Variants in PARD6G observed in about 807,000 individuals in gnomAD.
The protein encoded by PARD6G is partitioning defective 6 homolog gamma.
A neutral mutation model predicts 10.7 loss-of-function variants in PARD6G; 7 were observed. The ratio of observed to expected loss-of-function variants is 0.66; its 90% confidence interval spans 0.37 to 1.23. The LOEUF (loss-of-function observed/expected upper bound fraction) is 1.23. PARD6G is among the 50% of genes most tolerant of loss of function. The pLI is 0.02. For missense variants in PARD6G, 548 were observed against 571.8 expected (o/e 0.96, Z 0.42); for synonymous variants, 287 against 269.4 (o/e 1.07, Z -0.64).
At chr18:80,224,163 T>C (rs1197692180) in intron 1 of PARD6G, among the ~76,000 whole-genome samples, 1 of 152,334 alleles carries the variant, frequency 6.6e-6, no homozygotes, top group East Asian at 1.9e-4. Context: ...TCTGGCAATA[T>C]AAACCTATTT....
At position 80,200,026 on chromosome 18, in the gene PARD6G, T is replaced by C. The variant is rs550475385; in HGVS notation, c.295+2684A>G. 1.3e-5 allele frequency among the ~76,000 whole-genome samples: 2 copies of C among 152,334 alleles called. No homozygotes were observed. Among genetic ancestry groups the C allele is most frequent in the East Asian group, 3.9e-4 (2 of 5,188 alleles). ...GAGAATGCTGACTTTTCCTCTGTGA[T>C]AGTAAATTCCCTCTTAACATATATT... On this transcript the variant is annotated intron_variant, in intron 2 of 2. Coordinates refer to ENST00000353265, the MANE Select transcript of PARD6G (RefSeq NM_032510.4). This position sits in a 1 kb window ranked among gnomAD's most constrained non-coding sequence, Gnocchi z 4.4.
chr18:80,218,124 T>C (rs1281847610), intron 1 of PARD6G, among the ~76,000 whole-genome samples: 1 of 152,148 alleles, frequency 6.6e-6, no homozygotes, highest in African/African-American at 2.4e-5. Flanking sequence ...CATTCCACCC[T>C]GGCCCCTCCA....
In PARD6G at chr18:80,200,934, G is replaced by A. The variant is rs896197604; in HGVS notation, c.295+1776C>T. ...CCTTCACCCCAGCTCCACAGTCAGCGGGACAAAAAGACTTGTTTCCTGCAC... is the reference window on the plus strand; with the variant it reads ...CCTTCACCCCAGCTCCACAGTCAGCAGGACAAAAAGACTTGTTTCCTGCAC... On this transcript the variant is annotated intron_variant, in intron 2 of 2. Transcript: ENST00000353265. This position sits in a 1 kb window ranked among gnomAD's most constrained non-coding sequence, Gnocchi z 4.4. Among the ~76,000 whole-genome samples, 4 of 152,188 alleles carry A rather than the reference G, an allele frequency of 2.6e-5. No individual in the cohort carries two copies. The highest frequency in any genetic ancestry group is 2.4e-5 in the African/African-American group (1 of 41,442).
chr18:80,162,948 A>C (rs945246303), intron 2 of PARD6G, among the ~76,000 whole-genome samples: 1 of 152,114 alleles, frequency 6.6e-6, no homozygotes, highest in African/African-American at 2.4e-5. Flanking sequence ...CTAAAAGCTA[A>C]ACCTCACTGA....
chr18:80,188,860 G>A lies in PARD6G; in HGVS notation c.295+13850C>T, dbSNP rs922906604. On this transcript the variant is annotated intron_variant, in intron 2 of 2. Transcript: ENST00000353265. This position sits in a 1 kb window ranked among gnomAD's most constrained non-coding sequence, Gnocchi z 5.4. ...AAGTCAGGCGGGTGCAATCCCTACC[G>A]TTTCCCCACGTTCGTGAGGGAGGTG... is the stretch of plus-strand genomic sequence containing the variant. 1.1e-4 allele frequency among the ~76,000 whole-genome samples: 16 copies of A among 152,170 alleles called. No homozygotes were observed. Among genetic ancestry groups the A allele is most frequent in the South Asian group, 2.1e-4 (1 of 4,826 alleles).
rs1203319780 is a variant in PARD6G at position 80,228,454 on chromosome 18, G to A, written c.72+18823C>T. Among the ~76,000 whole-genome samples, 1 of 152,140 alleles carries A rather than the reference G, an allele frequency of 6.6e-6. No homozygotes were observed. Among genetic ancestry groups the A allele is most frequent in the African/African-American group, 2.4e-5 (1 of 41,416 alleles). On this transcript the variant is annotated intron_variant, in intron 1 of 2. Coordinates refer to ENST00000353265, the MANE Select transcript of PARD6G (RefSeq NM_032510.4). The surrounding 1 kb of genome is among the most constrained non-coding windows in gnomAD (Gnocchi z 4.6). ...GTCGCAGGCACCAAGTGCCCCTACAGCTCACATTGTCTGCAAGGGGTCCCC... is the reference window on the plus strand; with the variant it reads ...GTCGCAGGCACCAAGTGCCCCTACAACTCACATTGTCTGCAAGGGGTCCCC...
At chr18:80,239,991 A>G (rs936067138) in intron 1 of PARD6G, among the ~76,000 whole-genome samples, 3 of 152,114 alleles carry the variant, frequency 2.0e-5, no homozygotes, top group Non-Finnish European at 4.4e-5. Flanking sequence ...TGCAGAGATC[A>G]TGTGGCAAGA....
In PARD6G at chr18:80,180,968, C is replaced by T. The variant is rs978887940; in HGVS notation, c.296-20362G>A. 1.3e-5 allele frequency among the ~76,000 whole-genome samples: 2 copies of T among 152,258 alleles called. No individual in the cohort carries two copies. The highest frequency in any genetic ancestry group is 2.9e-5 in the Non-Finnish European group (2 of 68,040). On this transcript the variant is annotated intron_variant, in intron 2 of 2. Transcript: ENST00000353265. The surrounding 1 kb of genome is among the most constrained non-coding windows in gnomAD (Gnocchi z 5.6). ...CAGCAAAGAAATGTCCAGCGCAGAA[C>T]GTCAGCAGTGCTGAGGGTAAGAACC...
chr18:80,210,301 T>C (rs931372235), intron 1 of PARD6G, among the ~76,000 whole-genome samples: 1 of 152,244 alleles, frequency 6.6e-6, no homozygotes, highest in African/African-American at 2.4e-5. Context: ...AACCAACTTT[T>C]AGAGAACCGT....
rs988468517 is a variant in PARD6G at position 80,192,455 on chromosome 18, G to A, written c.295+10255C>T. 8.6e-5 allele frequency among the ~76,000 whole-genome samples: 13 copies of A among 151,966 alleles called. No individual in the cohort carries two copies. The East Asian group carries it at 1.4e-3, about 16-fold the overall frequency. On this transcript the variant is annotated intron_variant, in intron 2 of 2. Coordinates refer to ENST00000353265, the MANE Select transcript of PARD6G (RefSeq NM_032510.4). The surrounding 1 kb of genome is among the most constrained non-coding windows in gnomAD (Gnocchi z 4.9). ...GACGGGGGAGAGCAGGTGCCACGGCGGGAGCCCAGGGGACGGGGGAGAGCA... is the reference window on the plus strand; with the variant it reads ...GACGGGGGAGAGCAGGTGCCACGGCAGGAGCCCAGGGGACGGGGGAGAGCA...
intron 2 of PARD6G, among the ~76,000 whole-genome samples, chr18:80,166,751 G>A (rs1046962845): frequency 1.4e-4 from 21 of 151,596 alleles, no homozygotes; most frequent in African/African-American, 4.9e-4. Flanking sequence ...AACTTCAGGG[G>A]AGTGCATAGC....
rs535058974 is a variant in PARD6G, at chr18:80,182,079, G to A, written c.295+20631C>T. On this transcript the variant is annotated intron_variant, in intron 2 of 2. Transcript: ENST00000353265. This position sits in a 1 kb window ranked among gnomAD's most constrained non-coding sequence, Gnocchi z 4.5. ...CAGGGAAGCAACACAGCTGGGTAGGGCCCAGCAGAGTCTCACCCCAAGCTC... is the reference window on the plus strand; with the variant it reads ...CAGGGAAGCAACACAGCTGGGTAGGACCCAGCAGAGTCTCACCCCAAGCTC... 6.6e-6 allele frequency among the ~76,000 whole-genome samples: 1 copy of A among 152,318 alleles called. No individual in the cohort carries two copies. The highest frequency in any genetic ancestry group is 1.5e-5 in the Non-Finnish European group (1 of 68,030).
At chr18:80,167,670 C>T (rs1013834305) in intron 2 of PARD6G, among the ~76,000 whole-genome samples, 5 of 152,070 alleles carry the variant, frequency 3.3e-5, no homozygotes, top group Non-Finnish European at 5.9e-5. Flanking sequence ...CTCTGAGCCA[C>T]GTAGGGAGGA....
Position 80,226,172 on chromosome 18 carries a change from T to G in PARD6G, c.72+21105A>C, listed in dbSNP as rs911765086. The stretch of plus-strand genomic sequence containing the variant: ...TTCAGTTTTTTTTTTTTTTTTTTTT[T>G]TTTTTTTTTTTTTTTAGACGGAGTT... On this transcript the variant is annotated intron_variant, in intron 1 of 2. Coordinates refer to ENST00000353265, the MANE Select transcript of PARD6G (RefSeq NM_032510.4). Among the ~76,000 whole-genome samples the G allele has an allele frequency of 5.7e-4, 81 of 141,994 alleles. 2 individuals carry two copies. Among genetic ancestry groups the G allele is most frequent in the Non-Finnish European group, 6.9e-4 (45 of 65,676 alleles). The allele number at this position is 141,994 out of a possible 152,430, so 93.2% of individuals were successfully genotyped here. A position where few individuals can be genotyped will look rare whatever the true frequency, so the allele number is the denominator to read the frequency against.
intron 1 of PARD6G, among the ~76,000 whole-genome samples, chr18:80,203,646 A>G (rs7235249): frequency 0.22 from 33,704 of 151,958 alleles, 5,121 homozygotes; most frequent in African/African-American, 0.44. Context: ...TGGTTGCTGA[A>G]GGGACATCTG....
intron 2 of PARD6G, chr18:80,177,945 T>C (rs1448460310): frequency 7.2e-6 from 1 of 139,442 alleles, no homozygotes; most frequent in South Asian, 2.4e-4. Flanking sequence ...CACAAGATAA[T>C]CACAGTCCAA....
At position 80,228,412 on chromosome 18, in the gene PARD6G, T is replaced by C. The variant is rs78482413; in HGVS notation, c.72+18865A>G. Among the ~76,000 whole-genome samples the C allele has an allele frequency of 0.025, 3,869 of 152,176 alleles. 155 individuals are homozygous for C. Among genetic ancestry groups the C allele is most frequent in the African/African-American group, 0.089 (3,673 of 41,502 alleles). ...CTACATTGACCCCCAGCCTCCTCAA[T>C]CAGCTCTGCTGGGTGAGTCGCAGGC... On this transcript the variant is annotated intron_variant, in intron 1 of 2. Coordinates refer to ENST00000353265, the MANE Select transcript of PARD6G (RefSeq NM_032510.4). This position sits in a 1 kb window ranked among gnomAD's most constrained non-coding sequence, Gnocchi z 4.6.
In PARD6G at chr18:80,223,777, T is replaced by A. The variant is rs79267613; in HGVS notation, c.73-20845A>T. Among the ~76,000 whole-genome samples, 185 of 152,306 alleles carry A rather than the reference T, an allele frequency of 1.2e-3. 2 individuals carry two copies. The East Asian group carries it at 0.026, about 21-fold the overall frequency. On this transcript the variant is annotated intron_variant, in intron 1 of 2. Transcript: ENST00000353265. ...AGGCACTCAGTGGAGACTCTGCTTT[T>A]GCTCCAGGCAAACAGGATGTTCCAA...
chr18:80,177,301 C>G (rs547108665), intron 2 of PARD6G, among the ~76,000 whole-genome samples: 8 of 146,132 alleles, frequency 5.5e-5, no homozygotes, highest in Non-Finnish European at 1.0e-4. Context: ...CACACACACA[C>G]GGGATAAATC....
Sources: gnomAD v4.1 joint callset for allele counts (sites outside exome capture counted in the v4.1 genomes callset) on GRCh38, gnomAD v4.1.1 for gene constraint, Gnocchi (gnomAD v3.1) non-coding constraint, MANE v1.5 for transcripts, NCBI Gene and HGNC (gene_info 2026-07-23, HGNC 2026-07-21) for gene names.